HECW1: variants seen among roughly 807,000 people sequenced by gnomAD.
The protein encoded by HECW1 is E3 ubiquitin-protein ligase HECW1.
HECW1 carries 61 observed loss-of-function variants against 182.3 expected under a neutral mutation model. The observed-to-expected ratio is 0.33, with a 90% CI of 0.27 to 0.41. The LOEUF (loss-of-function observed/expected upper bound fraction) is 0.41. Among genes scored for constraint, HECW1 ranks in the 10% least tolerant of loss-of-function variants. HECW1 has a pLI of 1.00. For synonymous variants in HECW1, 859 were observed against 832.6 expected (o/e 1.03, Z -0.55); for missense variants, 1,739 against 2,108.9 (o/e 0.82, Z 3.44).
Position 43,515,436 on chromosome 7 carries a change from G to C in HECW1, c.4019+6315G>C, listed in dbSNP as rs547253346. ...GAGGCTAGTGAAATAGTTGTAGGAA[G>C]AGATATTAAAGAATCAAAATAGGGC... On this transcript the variant is annotated intron_variant, in intron 24 of 29. Coordinates refer to ENST00000395891, the MANE Select transcript of HECW1 (RefSeq NM_015052.5). 2.0e-5 allele frequency among the ~76,000 whole-genome samples: 3 copies of C among 152,296 alleles called. No homozygotes were observed. The East Asian group carries it at 5.8e-4, about 29-fold the overall frequency.
intron 2 of HECW1, among the ~76,000 whole-genome samples, chr7:43,184,224 A>T (rs570629368): frequency 6.6e-6 from 1 of 152,278 alleles, no homozygotes; most frequent in East Asian, 1.9e-4. Context: ...TGTGTTAGCC[A>T]GGATGATCTC....
intron 8 of HECW1, among the ~76,000 whole-genome samples, chr7:43,425,693 G>A (rs1408281867): frequency 6.6e-6 from 1 of 152,192 alleles, no homozygotes; most frequent in Non-Finnish European, 1.5e-5. Flanking sequence ...GACAGAAGCA[G>A]AAGCAAGAGA....
intron 3 of HECW1, among the ~76,000 whole-genome samples, chr7:43,257,076 C>G (rs902942600): frequency 3.3e-5 from 5 of 152,220 alleles, no homozygotes; most frequent in Non-Finnish European, 7.3e-5. Context: ...ATCATTCATT[C>G]ATTCATTCTG....
intron 3 of HECW1, among the ~76,000 whole-genome samples, chr7:43,287,844 G>T (rs965450363): frequency 2.0e-5 from 3 of 152,196 alleles, no homozygotes; most frequent in African/African-American, 7.2e-5. Context: ...TTCAGCATTG[G>T]CTGGATTGTA....
At position 43,469,062 on chromosome 7, in the gene HECW1, A is replaced by G. The variant is rs1353789523; in HGVS notation, c.3056A>G (p.Glu1019Gly). 2 of 1,614,056 alleles carry G rather than the reference A, an allele frequency of 1.2e-6. No individual in the cohort carries two copies. The highest frequency in any genetic ancestry group is 2.7e-5 in the African/African-American group (2 of 74,922). ...AACATGTTCGCAGACACTCGGCTGG[A>G]ACTGCCCCGGGGCTGGGAGATCAAA... ...FINMFADTRLELPRGWEIKTD... is the reference protein window; with the variant it reads ...FINMFADTRLGLPRGWEIKTD... Residue 1019 changes from glutamate to glycine, a missense_variant, in exon 16 of 30, where the codon GAA becomes GGA. Physicochemically the swap from Glu to Gly is moderately conservative, Grantham distance 98. Around this residue, in one of 5 missense-constraint regions of HECW1, gnomAD observed 971 missense variants for 1,029.1 expected, o/e 0.94. Transcript: ENST00000395891.
In HECW1 at chr7:43,562,485, A is replaced by G. The variant is rs2082235251; in HGVS notation, c.*559A>G. On this transcript the variant is annotated 3_prime_UTR_variant, in exon 30 of 30. Transcript: ENST00000395891. ...ACAGTGGCAAAGCTGAAATTTTTATACATTCAACTCATGATTCACATGTGG... is the reference window on the plus strand; with the variant it reads ...ACAGTGGCAAAGCTGAAATTTTTATGCATTCAACTCATGATTCACATGTGG... 8.8e-6 allele frequency: 2 copies of G among 228,138 alleles called. No homozygotes were observed. Among genetic ancestry groups the G allele is most frequent in the Non-Finnish European group, 8.7e-6 (1 of 114,752 alleles). 14.1% of individuals were successfully genotyped at this position (228,138 alleles called of 1,614,324 possible). A position where few individuals can be genotyped will look rare whatever the true frequency, so the allele number is the denominator to read the frequency against.
intron 5 of HECW1, among the ~76,000 whole-genome samples, chr7:43,358,361 T>A (rs141080216): frequency 6.6e-6 from 1 of 152,238 alleles, no homozygotes; most frequent in African/African-American, 2.4e-5. Context: ...CTTTGAGGTG[T>A]CTTGGAGAAT....
At chr7:43,355,618 C>CA (rs59685030) in intron 5 of HECW1, among the ~76,000 whole-genome samples, 2 of 151,022 alleles carry the variant, frequency 1.3e-5, no homozygotes, top group African/African-American at 2.4e-5. Flanking sequence ...AAATAAAAAG[C>CA]AAAAAAACAT....
intron 2 of HECW1, among the ~76,000 whole-genome samples, chr7:43,236,639 A>C (rs1798367844): frequency 6.6e-6 from 1 of 152,144 alleles, no homozygotes; most frequent in Admixed American, 6.5e-5. Flanking sequence ...CTGAATACTC[A>C]ATGTAGTCTG....
At chr7:43,189,511 C>T (rs1258044357) in intron 2 of HECW1, among the ~76,000 whole-genome samples, 1 of 152,024 alleles carries the variant, frequency 6.6e-6, no homozygotes, top group Non-Finnish European at 1.5e-5. Flanking sequence ...AGAGCTCACT[C>T]CACTTTAAAA....
At chr7:43,474,884 A>G (rs1454992269) in intron 16 of HECW1, among the ~76,000 whole-genome samples, 2 of 152,266 alleles carry the variant, frequency 1.3e-5, no homozygotes, top group Non-Finnish European at 2.9e-5. Flanking sequence ...AGCAAGACAC[A>G]GAAGGACAAG....
intron 2 of HECW1, among the ~76,000 whole-genome samples, chr7:43,200,408 A>G (rs2152689235): frequency 6.6e-6 from 1 of 152,360 alleles, no homozygotes; most frequent in South Asian, 2.1e-4. Context: ...TCACTCAATT[A>G]GTCAAATGAT....
intron 3 of HECW1, among the ~76,000 whole-genome samples, chr7:43,309,812 C>T (rs908122244): frequency 2.0e-5 from 3 of 152,168 alleles, no homozygotes; most frequent in Non-Finnish European, 4.4e-5. Flanking sequence ...ATGAAGGAAG[C>T]CTGTTCAGTG....
chr7:43,556,179 A>T (rs1177261893), intron 29 of HECW1, among the ~76,000 whole-genome samples: 1 of 152,200 alleles, frequency 6.6e-6, no homozygotes, highest in Non-Finnish European at 1.5e-5. Flanking sequence ...CCTAGAGAAC[A>T]TGCCACTAAA....
At chr7:43,222,080 G>T (rs1056811943) in intron 2 of HECW1, among the ~76,000 whole-genome samples, 2 of 152,124 alleles carry the variant, frequency 1.3e-5, no homozygotes, top group Non-Finnish European at 2.9e-5. Flanking sequence ...AGGTTTAAAA[G>T]TTCCTCTAGG....
intron 2 of HECW1, among the ~76,000 whole-genome samples, chr7:43,242,887 T>C (rs528088471): frequency 6.6e-6 from 1 of 152,222 alleles, no homozygotes; most frequent in South Asian, 2.1e-4. Flanking sequence ...CACCAGGGCG[T>C]TGGACACAGA....
At chr7:43,242,739 C>A (rs1799000801) in intron 2 of HECW1, among the ~76,000 whole-genome samples, 1 of 152,258 alleles carries the variant, frequency 6.6e-6, no homozygotes, top group African/African-American at 2.4e-5. Flanking sequence ...AGGAGGAAGG[C>A]AGTGCAGGGG....
intron 5 of HECW1, among the ~76,000 whole-genome samples, chr7:43,334,133 T>C (rs998353323): frequency 2.0e-5 from 3 of 152,228 alleles, no homozygotes; most frequent in Admixed American, 6.5e-5. Flanking sequence ...CAGAGATCTG[T>C]GGAGCTTCAG....
At chr7:43,225,231 A>G (rs1036474117) in intron 2 of HECW1, among the ~76,000 whole-genome samples, 2 of 152,164 alleles carry the variant, frequency 1.3e-5, no homozygotes, top group African/African-American at 4.8e-5. Flanking sequence ...TTTTACAACC[A>G]TCGAGTTAAA....
Sources: gnomAD v4.1 joint callset for allele counts (sites outside exome capture counted in the v4.1 genomes callset) on GRCh38, gnomAD v4.1.1 for gene constraint, gnomAD v4.1.1 regional missense constraint, MANE v1.5 for transcripts, NCBI Gene and HGNC (gene_info 2026-07-23, HGNC 2026-07-21) for gene names.